Variants in SHD observed in about 807,000 individuals in gnomAD.
SHD encodes the protein SH2 domain-containing adapter protein D.
In SHD, 29 loss-of-function variants were observed where a neutral mutation model predicts 31.2. The observed-to-expected ratio is 0.93, with a 90% confidence interval of 0.69 to 1.27. The LOEUF (loss-of-function observed/expected upper bound fraction) is 1.27. SHD is among the 50% of genes most tolerant of loss of function. The probability of loss-of-function intolerance (pLI) is 0.00; values close to 1 mark genes in which losing one functional copy is unlikely to be tolerated. For synonymous variants in SHD, 208 were observed against 187.8 expected, an observed-to-expected ratio of 1.11 and a Z score of -0.88; for missense variants, 520 against 453.8, an observed-to-expected ratio of 1.15 and a Z score of -1.33.
Position 4,290,156 on chromosome 19 carries a change from G to A in SHD, c.837-291G>A, listed in dbSNP as rs570083887. 8.5e-5 allele frequency among the ~76,000 whole-genome samples: 13 copies of A among 152,282 alleles called. 1 individual carries two copies. Among genetic ancestry groups the A allele is most frequent in the African/African-American group, 1.9e-4 (8 of 41,556 alleles). On this transcript the variant is annotated intron_variant, in intron 5 of 5. Transcript: ENST00000543264. ...CTCCCAAAGTGCTGGGATTACAGGCGTGAGCCACCGCACCCGCCTAATTTT... is the reference window on the plus strand; with the variant it reads ...CTCCCAAAGTGCTGGGATTACAGGCATGAGCCACCGCACCCGCCTAATTTT...
chr19:4,289,344 C>G (rs1029707551), intron 5 of SHD, among the ~76,000 whole-genome samples: 31 of 150,628 alleles, frequency 2.1e-4, no homozygotes, highest in Non-Finnish European at 8.9e-5. Context: ...ATCTCCTGAC[C>G]TCGTGATCCG....
At chr19:4,282,699 G>C (rs1160695537) in intron 1 of SHD, among the ~76,000 whole-genome samples, 171 bp from the exon 2 acceptor site, 1 of 152,084 alleles carries the variant, frequency 6.6e-6, no homozygotes, top group East Asian at 1.9e-4. Flanking sequence ...CTGGGTGACA[G>C]AGCGAGACTC....
rs1343586343 is a variant in SHD at position 4,290,592 on chromosome 19, C to T, written c.982C>T (p.His328Tyr). 1 of 1,613,278 alleles carries T rather than the reference C, an allele frequency of 6.2e-7. No homozygotes were observed. The highest frequency in any genetic ancestry group is 1.7e-5 in the Admixed American group (1 of 59,962). Residue 328 changes from histidine to tyrosine, a missense_variant, in exon 6 of 6, where the codon CAT becomes TAT. Transcript: ENST00000543264. ...SRPLPVQGAE[H>Y]LALLYPVVTQ... ...CCCACTGCCGGTGCAGGGTGCCGAG[C>T]ATCTGGCTCTGCTGTACCCCGTGGT...
intron 1 of SHD, among the ~76,000 whole-genome samples, chr19:4,281,099 C>A (rs1011040032): frequency 1.1e-4 from 17 of 151,958 alleles, no homozygotes; most frequent in African/African-American, 3.4e-4. Context: ...CTGAGGCTCG[C>A]AGAACGGTAG....
Position 4,280,129 on chromosome 19 carries a change from C to G in SHD, c.66C>G (p.Thr22=). The stretch of plus-strand genomic sequence containing the variant: ...GGAGGCCCCCTCCGCAGCCGCCCAC[C>G]CCGGACTACACCGAGAGCGACATCC... ...GGRRPPPQPP[T]PDYTESDILR... is the part of the protein sequence containing the mutation. The change falls in exon 1 of 6, where the codon ACC becomes ACG. Residue 22 remains threonine (T), a synonymous_variant. Coordinates refer to ENST00000543264, the MANE Select transcript of SHD (RefSeq NM_020209.4). 1 of 1,613,684 alleles carries G rather than the reference C, an allele frequency of 6.2e-7. No individual in the cohort carries two copies. The highest frequency in any genetic ancestry group is 1.1e-5 in the South Asian group (1 of 91,028).
Position 4,290,443 on chromosome 19 carries a change from C to G in SHD, c.837-4C>G. 1 of 1,608,566 alleles carries G rather than the reference C, an allele frequency of 6.2e-7. No individual in the cohort carries two copies. The highest frequency in any genetic ancestry group is 8.5e-7 in the Non-Finnish European group (1 of 1,177,200). On this transcript the variant is annotated splice_polypyrimidine_tract_variant and splice_region_variant and intron_variant, in intron 5 of 5. Coordinates refer to ENST00000543264, the MANE Select transcript of SHD (RefSeq NM_020209.4). ...CAGGAGTCCCTTTCTCCCTCATCGC[C>G]CAGGAGCAGCCAGGGCTTCCTGCAT... is the stretch of plus-strand genomic sequence containing the variant.
chr19:4,286,764 C>T (rs1225153966), intron 4 of SHD, among the ~76,000 whole-genome samples: 1 of 151,922 alleles, frequency 6.6e-6, no homozygotes. Flanking sequence ...CCTGTAATCC[C>T]AGCTACTCGG....
At chr19:4,287,258 G>A (rs1356776124) in intron 4 of SHD, among the ~76,000 whole-genome samples, 2 of 151,798 alleles carry the variant, frequency 1.3e-5, no homozygotes, top group African/African-American at 4.8e-5. Flanking sequence ...CGTGAACCGG[G>A]GAGGCGGAGC....
intron 1 of SHD, 58 bp downstream of exon 1, chr19:4,280,418 C>T: frequency 1.3e-6 from 2 of 1,490,136 alleles, no homozygotes; most frequent in Non-Finnish European, 1.8e-6. Context: ...GATGGGCTCT[C>T]TGGATCGTGG....
intron 4 of SHD, 41 bp from the exon 5 acceptor site, chr19:4,288,202 A>C: frequency 6.3e-7 from 1 of 1,595,844 alleles, no homozygotes. Context: ...GTGTGTTTGA[A>C]GGGAATGGCC....
At position 4,283,220 on chromosome 19, in the gene SHD, C is replaced by T; in HGVS notation, c.570C>T (p.Asp190=). The T allele has an allele frequency of 1.2e-6, 2 of 1,613,654 alleles. No homozygotes were observed. Among genetic ancestry groups the T allele is most frequent in the Non-Finnish European group, 1.7e-6 (2 of 1,179,602 alleles). ...ATCAGCCCTGGGAGTGGAAGAAAGACCACATCTCCAGGGCGTTTGCAGGTG... is the reference window on the plus strand; with the variant it reads ...ATCAGCCCTGGGAGTGGAAGAAAGATCACATCTCCAGGGCGTTTGCAGGTG... ...EYDQPWEWKK[D]HISRAFAVQF... is the part of the protein sequence containing the mutation. Residue 190 remains aspartate (D), a synonymous_variant, in exon 3 of 6, where the codon GAC becomes GAT. Coordinates refer to ENST00000543264, the MANE Select transcript of SHD (RefSeq NM_020209.4).
At position 4,290,578 on chromosome 19, in the gene SHD, T is replaced by C. The variant is rs1306024880; in HGVS notation, c.968T>C (p.Val323Ala). 6.2e-7 allele frequency: 1 copy of C among 1,613,580 alleles called. No individual in the cohort carries two copies. The highest frequency in any genetic ancestry group is 1.7e-5 in the Admixed American group (1 of 59,984). ...VLHYSSRPLP[V>A]QGAEHLALLY... ...CACTACAGTTCACGCCCACTGCCGGTGCAGGGTGCCGAGCATCTGGCTCTG... is the reference window on the plus strand; with the variant it reads ...CACTACAGTTCACGCCCACTGCCGGCGCAGGGTGCCGAGCATCTGGCTCTG... Residue 323 changes from valine to alanine, a missense_variant, in exon 6 of 6, where the codon GTG becomes GCG. Val to Ala is a moderately conservative substitution (Grantham distance 64). Coordinates refer to ENST00000543264, the MANE Select transcript of SHD (RefSeq NM_020209.4).
In SHD at chr19:4,288,227, T is replaced by G; in HGVS notation, c.717-16T>G. ...AGGGAATGGCCCTTGATGAGACATC[T>G]GTCCATACTCGCTAGGTGGTTTCAT... On this transcript the variant is annotated splice_polypyrimidine_tract_variant and intron_variant, in intron 4 of 5. Coordinates refer to ENST00000543264, the MANE Select transcript of SHD (RefSeq NM_020209.4). 1 of 1,611,302 alleles carries G rather than the reference T, an allele frequency of 6.2e-7. No individual in the cohort carries two copies. Among genetic ancestry groups the G allele is most frequent in the Non-Finnish European group, 8.5e-7 (1 of 1,178,460 alleles).
rs1971236469 is a variant in SHD at position 4,279,797 on chromosome 19, C to T, written c.-267C>T. The stretch of plus-strand genomic sequence containing the variant: ...CGCGGGGTTCGGGGCCCTGCGAGGT[C>T]CCCCCTTCCCCCGCGGTGCTTCCCA... On this transcript the variant is annotated 5_prime_UTR_variant, in exon 1 of 6. Transcript: ENST00000543264. The surrounding 1 kb of genome is among the most constrained non-coding windows in gnomAD (Gnocchi z 7.5). The T allele has an allele frequency of 5.8e-5, 28 of 485,238 alleles. No individual in the cohort carries two copies. In the South Asian group the frequency reaches 6.0e-4, roughly 10 times the overall value. The allele number at this position is 485,238 out of a possible 1,614,324, so 30.1% of individuals were successfully genotyped here.
intron 4 of SHD, 30 bp downstream of exon 4, chr19:4,284,934 C>T: frequency 6.4e-7 from 1 of 1,561,884 alleles, no homozygotes; most frequent in South Asian, 1.2e-5. Flanking sequence ...GTGGAAGAGC[C>T]CCGTTGAACG....
chr19:4,284,994 T>G (rs779327797), intron 4 of SHD, 90 bp downstream of exon 4: 23 of 1,339,100 alleles, frequency 1.7e-5, no homozygotes, highest in Non-Finnish European at 2.0e-5. Context: ...TTTCCCAGAT[T>G]AGAGGAACTG....
rs1407448250 is a variant in SHD, at chr19:4,290,097, A to G, written c.837-350A>G. On this transcript the variant is annotated intron_variant, in intron 5 of 5. Coordinates refer to ENST00000543264, the MANE Select transcript of SHD (RefSeq NM_020209.4). The stretch of plus-strand genomic sequence containing the variant: ...CACCATGTTGGCCAGGCTGGTCTCA[A>G]ACTCGTAACCTCAAGTGATCTGCCT... Among the ~76,000 whole-genome samples, 16 of 147,222 alleles carry G rather than the reference A, an allele frequency of 1.1e-4. No individual in the cohort carries two copies. The Admixed American group carries it at 1.1e-3, about 10-fold the overall frequency.
At position 4,280,084 on chromosome 19, in the gene SHD, C is replaced by G. The variant is rs751510937; in HGVS notation, c.21C>G (p.Asp7Glu). The G allele has an allele frequency of 6.2e-7, 1 of 1,609,606 alleles. No homozygotes were observed. The highest frequency in any genetic ancestry group is 1.7e-5 in the Admixed American group (1 of 59,154). Reference sequence around the variant, plus strand: ...CCCAAATGGCCAAGTGGCTACGGGACTACCTGAGCTTTGGGGGTCGGAGGC... The same window carrying G: ...CCCAAATGGCCAAGTGGCTACGGGAGTACCTGAGCTTTGGGGGTCGGAGGC... MAKWLR[D>E]YLSFGGRRPP... The change falls in exon 1 of 6, where the codon GAC becomes GAG. Residue 7 changes from aspartate (D) to glutamate (E), a missense_variant. Transcript: ENST00000543264.
At chr19:4,288,141 G>A in intron 4 of SHD, 102 bp from the exon 5 acceptor site, 1 of 1,373,432 alleles carries the variant, frequency 7.3e-7, no homozygotes, top group Middle Eastern at 2.4e-4. Flanking sequence ...CTGACCTCAG[G>A]CAATCCGCCC....
Sources: allele counts gnomAD v4.1 joint callset (sites outside exome capture counted in the v4.1 genomes callset), GRCh38; gene constraint gnomAD v4.1.1; non-coding constraint Gnocchi (gnomAD v3.1); transcripts MANE v1.5; gene names NCBI Gene and HGNC (gene_info 2026-07-23, HGNC 2026-07-21).